The following ERC2 variants were observed in gnomAD, a reference collection of about 807,000 sequenced individuals.
The protein encoded by ERC2 is ELKS/RAB6-interacting/CAST family member 2, also known as ERC protein 2.
ERC2 carries 42 observed loss-of-function variants against 114.8 expected under a neutral mutation model. The ratio of observed to expected loss-of-function variants is 0.37; its 90% CI spans 0.29 to 0.47. The LOEUF is 0.47. ERC2 is among the 20% of genes least tolerant of loss of function. The probability of loss-of-function intolerance (pLI) is 0.99; values close to 1 mark genes in which losing one functional copy is unlikely to be tolerated. For synonymous variants in ERC2, 454 were observed against 425.5 expected, an observed-to-expected ratio of 1.07 and a Z score of -0.82; for missense variants, 939 against 1,150.7, an observed-to-expected ratio of 0.82 and a Z score of 2.66.
At chr3:55,790,957 G>A (rs2069959594) in intron 14 of ERC2, among the ~76,000 whole-genome samples, 1 of 152,264 alleles carries the variant, frequency 6.6e-6, no homozygotes, top group Non-Finnish European at 1.5e-5. Flanking sequence ...CTCCATTCCT[G>A]ATGGGTGTGA....
At chr3:56,292,240 C>G (rs1404955166) in intron 3 of ERC2, among the ~76,000 whole-genome samples, 1 of 151,960 alleles carries the variant, frequency 6.6e-6, no homozygotes, top group African/African-American at 2.4e-5. Flanking sequence ...TATCAACAGC[C>G]CACAAAATGG....
At chr3:55,676,266 A>G (rs572878270) in intron 17 of ERC2, among the ~76,000 whole-genome samples, 1 of 151,566 alleles carries the variant, frequency 6.6e-6, no homozygotes, top group South Asian at 2.1e-4. Context: ...CTCTGAGATA[A>G]AGCATGTATA....
chr3:56,143,161 G>A (rs2080957312), intron 5 of ERC2, among the ~76,000 whole-genome samples: 1 of 152,324 alleles, frequency 6.6e-6, no homozygotes, highest in Middle Eastern at 3.4e-3. Flanking sequence ...TGCACTAGCA[G>A]TATAGCTGTC....
chr3:55,552,369 G>C (rs184033170), intron 17 of ERC2, among the ~76,000 whole-genome samples: 3 of 151,992 alleles, frequency 2.0e-5, no homozygotes, highest in East Asian at 1.9e-4. Context: ...TGTTGCACCC[G>C]CCTGCTCCCC....
chr3:55,991,596 A>G (rs2071062478), intron 11 of ERC2, among the ~76,000 whole-genome samples: 1 of 152,240 alleles, frequency 6.6e-6, no homozygotes. Flanking sequence ...AGAGACATCC[A>G]AAGGATATGA....
intron 14 of ERC2, among the ~76,000 whole-genome samples, chr3:55,772,518 G>A (rs148917290): frequency 0.012 from 1,895 of 152,248 alleles, 39 homozygotes; most frequent in African/African-American, 0.044. Context: ...GGGTTTCACC[G>A]CGTTAGCCAG....
intron 17 of ERC2, among the ~76,000 whole-genome samples, chr3:55,592,712 C>T (rs1468029653): frequency 6.6e-6 from 1 of 152,146 alleles, no homozygotes; most frequent in Non-Finnish European, 1.5e-5. Context: ...GAAAGGAGCT[C>T]ATTTATCTAA....
At chr3:55,516,613 G>T (rs1476666137) in intron 17 of ERC2, among the ~76,000 whole-genome samples, 1 of 152,202 alleles carries the variant, frequency 6.6e-6, no homozygotes, top group Admixed American at 6.5e-5. Flanking sequence ...GACGGAGTTT[G>T]CTGGGAGGAG....
Position 56,434,926 on chromosome 3 carries a change from C to G in ERC2, c.82G>C (p.Gly28Arg). Reference protein sequence around the residue: ...SPRLPRSPRLGHRRTSSGGGG... With the variant: ...SPRLPRSPRLRHRRTSSGGGG... Reference sequence around the variant, plus strand: ...CCCCCACTACTTGTTCTTCGGTGGCCCAAACGAGGAGACCTTGGCAAACGA... The same window carrying G: ...CCCCCACTACTTGTTCTTCGGTGGCGCAAACGAGGAGACCTTGGCAAACGA... Residue 28 changes from glycine to arginine, a missense_variant, in exon 2 of 18, where the codon GGC becomes CGC. Around this residue, in one of 5 missense-constraint regions of ERC2, gnomAD observed 281 missense variants for 307.4 expected, o/e 0.91. Coordinates refer to ENST00000288221, the MANE Select transcript of ERC2 (RefSeq NM_015576.3). 1 of 1,613,770 alleles carries G rather than the reference C, an allele frequency of 6.2e-7. No individual in the cohort carries two copies. Among genetic ancestry groups the G allele is most frequent in the East Asian group, 2.2e-5 (1 of 44,858 alleles).
chr3:55,929,779 T>C (rs2065964752), intron 13 of ERC2, among the ~76,000 whole-genome samples: 1 of 152,184 alleles, frequency 6.6e-6, no homozygotes, highest in South Asian at 2.1e-4. Flanking sequence ...TAAAAGTGTG[T>C]AGCACTGTCC....
intron 2 of ERC2, among the ~76,000 whole-genome samples, chr3:56,369,032 A>C (rs1189454489): frequency 1.3e-5 from 2 of 152,196 alleles, no homozygotes; most frequent in Non-Finnish European, 2.9e-5. Context: ...CAGCTTTCAG[A>C]AGCACACAGC....
intron 17 of ERC2, among the ~76,000 whole-genome samples, chr3:55,571,613 T>C (rs925820077): frequency 3.3e-5 from 5 of 152,156 alleles, no homozygotes; most frequent in South Asian, 2.1e-4. Context: ...CAACAAAGGC[T>C]CTTGCCCACG....
intron 17 of ERC2, among the ~76,000 whole-genome samples, chr3:55,607,142 C>T (rs1033444970): frequency 3.9e-5 from 6 of 152,096 alleles, no homozygotes; most frequent in African/African-American, 9.7e-5. Flanking sequence ...CTGGAGATAT[C>T]GTAGTGACAA....
intron 14 of ERC2, among the ~76,000 whole-genome samples, chr3:55,825,512 T>G (rs1258409247): frequency 6.6e-6 from 1 of 152,248 alleles, no homozygotes; most frequent in East Asian, 1.9e-4. Context: ...GCATAACTAT[T>G]TAAAATATCA....
chr3:56,413,401 G>A (rs1042931499), intron 2 of ERC2, among the ~76,000 whole-genome samples: 1 of 152,214 alleles, frequency 6.6e-6, no homozygotes, highest in Admixed American at 6.5e-5. Context: ...TGAGCATGGT[G>A]GCTGCTTGGG....
intron 13 of ERC2, among the ~76,000 whole-genome samples, chr3:55,901,569 A>T (rs1383194847): frequency 6.6e-6 from 1 of 152,158 alleles, no homozygotes. Flanking sequence ...CTCACATCAA[A>T]TCCATCTCAT....
chr3:55,722,148 A>AT (rs1045058062), intron 15 of ERC2, among the ~76,000 whole-genome samples: 4 of 151,930 alleles, frequency 2.6e-5, no homozygotes, highest in African/African-American at 9.7e-5. Context: ...TTGAATGAAG[A>AT]TTTTTTGGTT....
At chr3:55,767,573 G>A (rs940874012) in intron 14 of ERC2, among the ~76,000 whole-genome samples, 9 of 152,098 alleles carry the variant, frequency 5.9e-5, no homozygotes, top group East Asian at 1.9e-4. Flanking sequence ...TCCTTCATGC[G>A]TATAGACCTC....
At chr3:56,236,860 C>T (rs2050981482) in intron 3 of ERC2, among the ~76,000 whole-genome samples, 1 of 152,126 alleles carries the variant, frequency 6.6e-6, no homozygotes, top group African/African-American at 2.4e-5. Context: ...CCAACATAAG[C>T]ACAATTCCTC....
Sources: allele counts gnomAD v4.1 joint callset (sites outside exome capture counted in the v4.1 genomes callset), GRCh38; gene constraint gnomAD v4.1.1; regional missense constraint gnomAD v4.1.1; transcripts MANE v1.5; gene names NCBI Gene and HGNC (gene_info 2026-07-23, HGNC 2026-07-21).